CYSTM1: variants seen among roughly 807,000 people sequenced by gnomAD.
CYSTM1 encodes cysteine-rich transmembrane module-containing protein 1.
CYSTM1 carries 4 observed loss-of-function variants against 13.1 expected under a neutral mutation model. The ratio of observed to expected loss-of-function variants is 0.31; its 90% confidence interval spans 0.15 to 0.70. The LOEUF (loss-of-function observed/expected upper bound fraction) is 0.70. Among genes scored for constraint, CYSTM1 ranks in the 30% least tolerant of loss-of-function variants. The probability of loss-of-function intolerance (pLI) is 0.72; values close to 1 mark genes in which losing one functional copy is unlikely to be tolerated. For missense variants in CYSTM1, 96 were observed against 121.6 expected (o/e 0.79, Z 0.99); for synonymous variants, 36 against 42.7 (o/e 0.84, Z 0.62).
At chr5:140,212,729 G>A (rs6871511) in intron 2 of CYSTM1, among the ~76,000 whole-genome samples, 27,473 of 152,012 alleles carry the variant, frequency 0.18, 2,843 homozygotes, top group South Asian at 0.24. Flanking sequence ...CACTTTGGGA[G>A]GCCAGAGTGA....
chr5:140,219,814 A>G lies in CYSTM1; in HGVS notation c.188-23491A>G, dbSNP rs1390038304. ...AATGAGACTCCTGGGCCAGCACTCA[A>G]TGTGAATCAGGCTAACATTGACGAT... On this transcript the variant is annotated intron_variant, in intron 2 of 2. Transcript: ENST00000261811. This position sits in a 1 kb window ranked among gnomAD's most constrained non-coding sequence, Gnocchi z 4.1. Among the ~76,000 whole-genome samples, 1 of 152,202 alleles carries G rather than the reference A, an allele frequency of 6.6e-6. No homozygotes were observed. The highest frequency in any genetic ancestry group is 1.5e-5 in the Non-Finnish European group (1 of 68,040).
intron 1 of CYSTM1, among the ~76,000 whole-genome samples, chr5:140,182,734 C>G (rs1763973444): frequency 6.6e-6 from 1 of 151,844 alleles, no homozygotes; most frequent in Admixed American, 6.6e-5. Context: ...AAGTTATCAT[C>G]TAGAATTTTT....
intron 2 of CYSTM1, among the ~76,000 whole-genome samples, chr5:140,212,787 C>G (rs1764383603): frequency 6.6e-6 from 1 of 151,682 alleles, no homozygotes; most frequent in Admixed American, 6.6e-5. Context: ...GGCAATATGG[C>G]CAAACTCCAT....
intron 2 of CYSTM1, among the ~76,000 whole-genome samples, chr5:140,218,449 C>CT (rs746484544): frequency 1.3e-5 from 2 of 152,176 alleles, no homozygotes; most frequent in African/African-American, 2.4e-5. Context: ...ATACTAGGCA[C>CT]TGGCCTATGT....
In CYSTM1 at chr5:140,226,148, GCCCAGCATTTTA is replaced by G. The variant is rs150591851; in HGVS notation, c.188-17155_188-17144del. 9.5e-3 allele frequency among the ~76,000 whole-genome samples: 1,442 copies of G among 152,246 alleles called. 17 individuals are homozygous for G. Among genetic ancestry groups the G allele is most frequent in the African/African-American group, 0.03 (1,264 of 41,536 alleles). On this transcript the variant is annotated intron_variant, in intron 2 of 2. Transcript: ENST00000261811. ...TGCTTTCCAATGTGCGAAGCACTGT[GCCCAGCATTTTA>G]CATGCATAATCTCTTCATTTTCCCA...
chr5:140,235,956 C>G (rs1434254196), intron 2 of CYSTM1, among the ~76,000 whole-genome samples: 1 of 152,136 alleles, frequency 6.6e-6, no homozygotes, highest in Admixed American at 6.5e-5. Flanking sequence ...TGGCTGGTGT[C>G]AAGATCAAAG....
intron 2 of CYSTM1, among the ~76,000 whole-genome samples, chr5:140,223,460 C>G (rs1004888246): frequency 4.6e-5 from 7 of 152,226 alleles, no homozygotes; most frequent in African/African-American, 1.7e-4. Flanking sequence ...CAGCCCAAGT[C>G]ATGGGCAAAA....
intron 2 of CYSTM1, among the ~76,000 whole-genome samples, chr5:140,227,244 T>C (rs1366945983): frequency 6.6e-6 from 1 of 152,098 alleles, no homozygotes; most frequent in African/African-American, 2.4e-5. Context: ...AATTCTGAAG[T>C]ACTGCCACCT....
chr5:140,209,433 ATT>A (rs558015356), intron 2 of CYSTM1, among the ~76,000 whole-genome samples: 2 of 86,642 alleles, frequency 2.3e-5, no homozygotes, highest in African/African-American at 4.4e-5. Flanking sequence ...TGCCTGGCTA[ATT>A]TTTTTTTTTT....
rs572811043 is a variant in CYSTM1 at position 140,230,966 on chromosome 5, C to G, written c.188-12339C>G. Among the ~76,000 whole-genome samples, 4 of 152,260 alleles carry G rather than the reference C, an allele frequency of 2.6e-5. No individual in the cohort carries two copies. In the South Asian group the frequency reaches 8.3e-4, roughly 32 times the overall value. Reference sequence around the variant, plus strand: ...CTTTCTCGGCCTTTTACTGTTTCATCTACATTTTAGAATGTGTGTTAGTTT... The same window carrying G: ...CTTTCTCGGCCTTTTACTGTTTCATGTACATTTTAGAATGTGTGTTAGTTT... On this transcript the variant is annotated intron_variant, in intron 2 of 2. Coordinates refer to ENST00000261811, the MANE Select transcript of CYSTM1 (RefSeq NM_032412.4). The surrounding 1 kb of genome is among the most constrained non-coding windows in gnomAD (Gnocchi z 4.1).
intron 1 of CYSTM1, 131 bp from the exon 2 acceptor site, chr5:140,194,315 C>T: frequency 1.2e-6 from 1 of 806,052 alleles, no homozygotes; most frequent in Non-Finnish European, 1.9e-6. Context: ...ACAAAATGGG[C>T]AGAGCTAGAG....
chr5:140,181,179 G>A (rs1201218733), intron 1 of CYSTM1, among the ~76,000 whole-genome samples: 1 of 152,242 alleles, frequency 6.6e-6, no homozygotes, highest in African/African-American at 2.4e-5. Context: ...GGCAGAGTCA[G>A]TTGGGGAGAA....
chr5:140,243,178 A>G (rs1237227292), intron 2 of CYSTM1, 127 bp from the exon 3 acceptor site: 3 of 725,446 alleles, frequency 4.1e-6, no homozygotes, highest in African/African-American at 3.6e-5. Flanking sequence ...TGGCAGGAAC[A>G]CGGTTTCACC....
intron 2 of CYSTM1, among the ~76,000 whole-genome samples, chr5:140,205,315 T>G (rs1297522044): frequency 6.6e-6 from 1 of 152,194 alleles, no homozygotes; most frequent in Non-Finnish European, 1.5e-5. Context: ...CTGCTTTCAT[T>G]AGTCAGTGTG....
At chr5:140,208,143 A>G (rs1002173419) in intron 2 of CYSTM1, among the ~76,000 whole-genome samples, 1 of 152,242 alleles carries the variant, frequency 6.6e-6, no homozygotes, top group Admixed American at 6.5e-5. Flanking sequence ...CTGCACTCTC[A>G]TGTTTGTTGC....
chr5:140,229,511 G>A (rs1031593053), intron 2 of CYSTM1, among the ~76,000 whole-genome samples: 2 of 151,972 alleles, frequency 1.3e-5, no homozygotes, highest in Non-Finnish European at 2.9e-5. Flanking sequence ...TTTTTATGGT[G>A]TATTTTCTAG....
At chr5:140,222,240 T>G (rs1166733687) in intron 2 of CYSTM1, among the ~76,000 whole-genome samples, 1 of 152,242 alleles carries the variant, frequency 6.6e-6, no homozygotes. Flanking sequence ...TGTCTTCCAG[T>G]TTTTGTAATC....
intron 1 of CYSTM1, among the ~76,000 whole-genome samples, chr5:140,193,531 C>A (rs570693087): frequency 6.6e-6 from 1 of 152,346 alleles, no homozygotes; most frequent in South Asian, 2.1e-4. Flanking sequence ...CCCGCCTCGG[C>A]CTCCCAAAGT....
chr5:140,177,067 T>TCAAAAAAAAAAACAAAAAAAAAAA (rs1433220611), intron 1 of CYSTM1, among the ~76,000 whole-genome samples: 3 of 14,930 alleles, frequency 2.0e-4, no homozygotes, highest in African/African-American at 9.4e-4. Flanking sequence ...AGACTCTGTC[T>TCAAAAAAAAAAACAAAAAAAAAAA]CAAAAAAAAA....
Sources: gnomAD v4.1 joint callset for allele counts (sites outside exome capture counted in the v4.1 genomes callset) on GRCh38, gnomAD v4.1.1 for gene constraint, Gnocchi (gnomAD v3.1) non-coding constraint, MANE v1.5 for transcripts, NCBI Gene and HGNC (gene_info 2026-07-23, HGNC 2026-07-21) for gene names.